Variants in ZNF385D observed in about 807,000 individuals in gnomAD.
ZNF385D encodes the protein zinc finger protein 659.
A neutral mutation model predicts 35.8 loss-of-function variants in ZNF385D; 15 were observed. That is an observed-to-expected ratio of 0.42 (90% confidence interval 0.28 to 0.64). ZNF385D has a LOEUF of 0.64. Ranked by LOEUF, ZNF385D falls within the 30% of genes least tolerant of loss-of-function variation. The probability of loss-of-function intolerance (pLI) is 0.23; values close to 1 mark genes in which losing one functional copy is unlikely to be tolerated. For missense variants in ZNF385D, 474 were observed against 494.6 expected, an observed-to-expected ratio of 0.96 and a Z score of 0.39; for synonymous variants, 212 against 186.8, an observed-to-expected ratio of 1.13 and a Z score of -1.10.
intron 2 of ZNF385D, among the ~76,000 whole-genome samples, chr3:22,171,906 T>C (rs142783716): frequency 1.4e-3 from 201 of 144,662 alleles, no homozygotes; most frequent in African/African-American, 4.9e-3. Context: ...AAAAAAATTA[T>C]AGATTTTGCA....
chr3:21,522,099 A>G (rs904414215), intron 3 of ZNF385D, among the ~76,000 whole-genome samples: 1 of 152,172 alleles, frequency 6.6e-6, no homozygotes, highest in Non-Finnish European at 1.5e-5. Flanking sequence ...ATGGATGAAA[A>G]TTGTGAATAA....
At chr3:22,180,109 C>T (rs1157185688) in intron 2 of ZNF385D, among the ~76,000 whole-genome samples, 1 of 152,072 alleles carries the variant, frequency 6.6e-6, no homozygotes, top group Non-Finnish European at 1.5e-5. Context: ...GGGGATATAA[C>T]CACCTATCCC....
chr3:21,464,142 T>G (rs1032015620), intron 4 of ZNF385D, among the ~76,000 whole-genome samples: 1 of 152,230 alleles, frequency 6.6e-6, no homozygotes, highest in African/African-American at 2.4e-5. Context: ...CTCAAGGTTT[T>G]TGATAAAGCA....
At chr3:22,284,894 A>G (rs1322445839) in intron 2 of ZNF385D, among the ~76,000 whole-genome samples, 1 of 152,186 alleles carries the variant, frequency 6.6e-6, no homozygotes, top group Non-Finnish European at 1.5e-5. Context: ...AGATAAAAGG[A>G]TATTTTATTG....
chr3:21,776,921 C>CA (rs1490996252), intron 3 of ZNF385D, among the ~76,000 whole-genome samples: 1 of 151,922 alleles, frequency 6.6e-6, no homozygotes, highest in Non-Finnish European at 1.5e-5. Flanking sequence ...GAAAAGTTCC[C>CA]AGTTCTCTCC....
intron 2 of ZNF385D, among the ~76,000 whole-genome samples, chr3:22,347,225 C>G (rs994671611): frequency 4.6e-5 from 7 of 152,118 alleles, no homozygotes; most frequent in African/African-American, 1.7e-4. Context: ...TTAAACAATG[C>G]ATTTAATTAA....
chr3:22,034,164 C>T (rs1698177437), intron 3 of ZNF385D, among the ~76,000 whole-genome samples: 1 of 152,130 alleles, frequency 6.6e-6, no homozygotes, highest in African/African-American at 2.4e-5. Context: ...AATGTGATTG[C>T]ATTATAAGAT....
At chr3:22,201,465 C>T (rs115189466) in intron 2 of ZNF385D, among the ~76,000 whole-genome samples, 1,822 of 151,926 alleles carry the variant, frequency 0.012, 20 homozygotes, top group African/African-American at 0.033. Context: ...GTCTTTTATA[C>T]GTCGGAAATA....
rs1282372590 is a variant in ZNF385D at position 21,474,304 on chromosome 3, CT to C, written c.439+36556del. 5.9e-4 allele frequency among the ~76,000 whole-genome samples: 90 copies of C among 152,166 alleles called. 2 individuals are homozygous for C. Among genetic ancestry groups the C allele is most frequent in the Non-Finnish European group, 1.3e-4 (9 of 68,002 alleles). ...TGAGGTAAACTATACAACTATACAC[CT>C]TGTGAGGACTGTGAGGATAGCAAAC... is the stretch of plus-strand genomic sequence containing the variant. On this transcript the variant is annotated intron_variant, in intron 4 of 7. Coordinates refer to ENST00000281523, the MANE Select transcript of ZNF385D (RefSeq NM_024697.3).
chr3:22,019,903 C>T (rs1256197842), intron 3 of ZNF385D, among the ~76,000 whole-genome samples: 2 of 151,796 alleles, frequency 1.3e-5, no homozygotes, highest in Non-Finnish European at 2.9e-5. Context: ...ACCTAGTTCA[C>T]TTATTTATTT....
chr3:21,681,902 G>A (rs1026872833), intron 1 of ZNF385D, among the ~76,000 whole-genome samples: 2 of 152,062 alleles, frequency 1.3e-5, no homozygotes, highest in African/African-American at 4.8e-5. Context: ...GAAAACAAAT[G>A]TAAAATGAAA....
intron 3 of ZNF385D, among the ~76,000 whole-genome samples, chr3:21,562,729 A>AAAT (rs527668160): frequency 6.6e-6 from 1 of 152,166 alleles, no homozygotes; most frequent in Non-Finnish European, 1.5e-5. Flanking sequence ...AAGCCACTTA[A>AAAT]AATAATAATT....
At chr3:21,483,700 A>G (rs1479580752) in intron 4 of ZNF385D, among the ~76,000 whole-genome samples, 1 of 152,232 alleles carries the variant, frequency 6.6e-6, no homozygotes, top group African/African-American at 2.4e-5. Flanking sequence ...TGTGCTTTTC[A>G]TTGTACCATC....
intron 2 of ZNF385D, among the ~76,000 whole-genome samples, chr3:22,251,981 G>C (rs1388260733): frequency 6.6e-6 from 1 of 151,920 alleles, no homozygotes; most frequent in African/African-American, 2.4e-5. Context: ...CTTAGTTTTT[G>C]GCACATATTA....
intron 3 of ZNF385D, among the ~76,000 whole-genome samples, chr3:22,095,529 T>A (rs1381069113): frequency 6.6e-6 from 1 of 152,026 alleles, no homozygotes; most frequent in Non-Finnish European, 1.5e-5. Flanking sequence ...AATATGATAC[T>A]CTAGATGATG....
chr3:21,893,475 G>T (rs1698985550), intron 3 of ZNF385D, among the ~76,000 whole-genome samples: 1 of 152,122 alleles, frequency 6.6e-6, no homozygotes, highest in African/African-American at 2.4e-5. Flanking sequence ...ATGCAAAGAT[G>T]AGTCATGATC....
chr3:21,731,329 CTTTT>C (rs2068986150), intron 1 of ZNF385D, among the ~76,000 whole-genome samples: 1 of 151,994 alleles, frequency 6.6e-6, no homozygotes, highest in Non-Finnish European at 1.5e-5. Flanking sequence ...TGTTCATTTT[CTTTT>C]TTTAATAGAC....
intron 3 of ZNF385D, among the ~76,000 whole-genome samples, chr3:21,955,582 C>T (rs767888907): frequency 3.3e-5 from 5 of 152,114 alleles, no homozygotes; most frequent in Non-Finnish European, 5.9e-5. Context: ...GGAAACATTA[C>T]TTGCGGTGCC....
At chr3:21,614,623 C>G (rs2064788554) in intron 2 of ZNF385D, among the ~76,000 whole-genome samples, 1 of 152,170 alleles carries the variant, frequency 6.6e-6, no homozygotes, top group African/African-American at 2.4e-5. Context: ...TGGAGTCTCA[C>G]TATGTCACAA....
Sources: allele counts gnomAD v4.1 joint callset (sites outside exome capture counted in the v4.1 genomes callset), GRCh38; gene constraint gnomAD v4.1.1; transcripts MANE v1.5; gene names NCBI Gene and HGNC (gene_info 2026-07-23, HGNC 2026-07-21).